Variants in CWC27 observed in about 807,000 individuals in gnomAD.
The protein encoded by CWC27 is spliceosome-associated protein CWC27 homolog.
In CWC27, 47 loss-of-function variants were observed where a neutral mutation model predicts 63.6. That is an observed-to-expected ratio of 0.74 (90% CI 0.58 to 0.94). The LOEUF (loss-of-function observed/expected upper bound fraction) is 0.94. Ranked by LOEUF, CWC27 falls within the 40% of genes least tolerant of loss-of-function variation. The pLI is 0.00. For missense variants in CWC27, 495 were observed against 554.3 expected, an observed-to-expected ratio of 0.89 and a Z score of 1.07; for synonymous variants, 175 against 179.8, an observed-to-expected ratio of 0.97 and a Z score of 0.22.
chr5:64,786,730 G>A (rs1189847044), intron 6 of CWC27, 103 bp downstream of exon 6: 1 of 667,916 alleles, frequency 1.5e-6, no homozygotes, highest in Non-Finnish European at 2.5e-6. Context: ...CAAAGGAGAG[G>A]CCAGTTTGAA....
At chr5:65,018,060 G>A (rs166475) in intron 13 of CWC27, 99 bp from the exon 14 acceptor site, 153,464 of 1,090,828 alleles carry the variant, frequency 0.14, 12,371 homozygotes, top group Admixed American at 0.31. Flanking sequence ...TTGGTGTTCT[G>A]TATGCTTATG....
At chr5:64,954,902 C>G (rs1225031012) in intron 11 of CWC27, among the ~76,000 whole-genome samples, 1 of 151,726 alleles carries the variant, frequency 6.6e-6, no homozygotes, top group Non-Finnish European at 1.5e-5. Context: ...TAGGTAAGCC[C>G]CATGATAAGC....
intron 13 of CWC27, among the ~76,000 whole-genome samples, chr5:64,980,732 G>GA (rs530119453): frequency 4.6e-5 from 7 of 151,942 alleles, no homozygotes; most frequent in African/African-American, 1.5e-4. Flanking sequence ...ATAAAAATTT[G>GA]AAAAAATACC....
intron 13 of CWC27, among the ~76,000 whole-genome samples, chr5:65,017,159 A>G (rs963166511): frequency 6.6e-6 from 1 of 151,980 alleles, no homozygotes; most frequent in Non-Finnish European, 1.5e-5. Context: ...GTCTCTGCTA[A>G]AAATACAAAA....
At chr5:64,843,067 A>G (rs1334271142) in intron 10 of CWC27, among the ~76,000 whole-genome samples, 1 of 152,212 alleles carries the variant, frequency 6.6e-6, no homozygotes, top group Non-Finnish European at 1.5e-5. Context: ...GGTTTTGTGT[A>G]AGGATTTTTT....
intron 10 of CWC27, among the ~76,000 whole-genome samples, chr5:64,875,698 C>T (rs1401460149): frequency 6.6e-6 from 1 of 152,054 alleles, no homozygotes; most frequent in Non-Finnish European, 1.5e-5. Context: ...AGCAGTGCCC[C>T]AAACACAAAA....
At chr5:64,859,629 C>G (rs1746349172) in intron 10 of CWC27, among the ~76,000 whole-genome samples, 1 of 152,026 alleles carries the variant, frequency 6.6e-6, no homozygotes, top group African/African-American at 2.4e-5. Flanking sequence ...GTAGATATAT[C>G]AGGAATGGTA....
intron 13 of CWC27, among the ~76,000 whole-genome samples, chr5:65,003,331 T>C (rs1313470057): frequency 6.6e-6 from 1 of 152,198 alleles, no homozygotes; most frequent in African/African-American, 2.4e-5. Flanking sequence ...TTGTTCATTG[T>C]TTTATAGTTG....
At chr5:64,867,429 C>G (rs1746555683) in intron 10 of CWC27, among the ~76,000 whole-genome samples, 1 of 152,066 alleles carries the variant, frequency 6.6e-6, no homozygotes, top group Non-Finnish European at 1.5e-5. Context: ...TATCGACACA[C>G]TTTTCAAGTA....
At chr5:65,009,279 G>A (rs1211782469) in intron 13 of CWC27, among the ~76,000 whole-genome samples, 2 of 152,142 alleles carry the variant, frequency 1.3e-5, no homozygotes, top group African/African-American at 4.8e-5. Flanking sequence ...TCATTCATGA[G>A]GGATCCACCC....
intron 10 of CWC27, among the ~76,000 whole-genome samples, chr5:64,810,039 C>T (rs368232308): frequency 6.6e-6 from 1 of 151,910 alleles, no homozygotes; most frequent in African/African-American, 2.4e-5. Flanking sequence ...AGGCCTTATC[C>T]GTAAGTCTTT....
chr5:64,916,885 T>TTAGTAGTAG (rs56214406), intron 11 of CWC27, among the ~76,000 whole-genome samples: 4,655 of 144,020 alleles, frequency 0.032, 107 homozygotes, highest in Non-Finnish European at 0.045. Context: ...AGTAGTAGTA[T>TTAGTAGTAG]TAGTAGTAGT....
At chr5:64,819,789 G>GC (rs1745144408) in intron 10 of CWC27, among the ~76,000 whole-genome samples, 1 of 152,154 alleles carries the variant, frequency 6.6e-6, no homozygotes, top group Non-Finnish European at 1.5e-5. Flanking sequence ...AGCATGGCCT[G>GC]CAACACAAAC....
chr5:64,964,607 G>A (rs1006886108), intron 11 of CWC27, among the ~76,000 whole-genome samples: 13 of 152,178 alleles, frequency 8.5e-5, no homozygotes, highest in African/African-American at 3.1e-4. Context: ...CCCTTCATCA[G>A]CACTTTAGGG....
chr5:64,903,578 G>A (rs1191711853), intron 11 of CWC27, among the ~76,000 whole-genome samples: 12 of 151,964 alleles, frequency 7.9e-5, no homozygotes, highest in Admixed American at 7.2e-4. Flanking sequence ...TAATGCATAC[G>A]GGGCTTAAAA....
At chr5:64,832,662 T>G (rs1301270752) in intron 10 of CWC27, among the ~76,000 whole-genome samples, 5 of 151,782 alleles carry the variant, frequency 3.3e-5, no homozygotes, top group Non-Finnish European at 7.4e-5. Flanking sequence ...TTAATATTTT[T>G]TTTACTGCTT....
At chr5:64,970,719 A>G (rs1580756212) in intron 11 of CWC27, among the ~76,000 whole-genome samples, 1 of 152,166 alleles carries the variant, frequency 6.6e-6, no homozygotes, top group African/African-American at 2.4e-5. Flanking sequence ...TACCAAAATC[A>G]TATTAGGTAA....
At chr5:64,829,463 G>C (rs1467575975) in intron 10 of CWC27, among the ~76,000 whole-genome samples, 1 of 151,854 alleles carries the variant, frequency 6.6e-6, no homozygotes, top group Non-Finnish European at 1.5e-5. Flanking sequence ...TATCGAGAAA[G>C]AAATATGTAA....
intron 13 of CWC27, among the ~76,000 whole-genome samples, chr5:65,006,046 A>G (rs1451555814): frequency 5.9e-5 from 9 of 152,160 alleles, no homozygotes; most frequent in Admixed American, 4.6e-4. Context: ...CTCATTTGAA[A>G]TGAATCTAAA....
Sources: allele counts gnomAD v4.1 joint callset (sites outside exome capture counted in the v4.1 genomes callset), GRCh38; gene constraint gnomAD v4.1.1; transcripts MANE v1.5; gene names NCBI Gene and HGNC (gene_info 2026-07-23, HGNC 2026-07-21).